CMIP: variants seen among roughly 807,000 people sequenced by gnomAD.
CMIP encodes c-Maf inducing protein.
CMIP carries 13 observed loss-of-function variants against 97.3 expected under a neutral mutation model. That is an observed-to-expected ratio of 0.13 (90% CI 0.09 to 0.21). The LOEUF is 0.21. Ranked by LOEUF, CMIP falls within the 10% of genes least tolerant of loss-of-function variation. The pLI is 1.00. For missense variants in CMIP, 847 were observed against 1,024.9 expected (o/e 0.83, Z 2.37); for synonymous variants, 538 against 436.3 (o/e 1.23, Z -2.91).
At chr16:81,576,001 T>C (rs1271258982) in intron 1 of CMIP, among the ~76,000 whole-genome samples, 1 of 152,220 alleles carries the variant, frequency 6.6e-6, no homozygotes, top group Non-Finnish European at 1.5e-5. Flanking sequence ...AGTCACTAGG[T>C]ATTATCTCAT....
intron 1 of CMIP, among the ~76,000 whole-genome samples, chr16:81,587,534 T>TGACC (rs1489999348): frequency 6.6e-6 from 1 of 152,156 alleles, no homozygotes; most frequent in African/African-American, 2.4e-5. Flanking sequence ...CCCATCACGG[T>TGACC]AAAGCTTTGA....
At chr16:81,546,852 C>G (rs1027917087) in intron 1 of CMIP, among the ~76,000 whole-genome samples, 3 of 152,176 alleles carry the variant, frequency 2.0e-5, no homozygotes, top group Non-Finnish European at 4.4e-5. Flanking sequence ...AGTAAAAATT[C>G]AGCTTGTGAG....
At chr16:81,628,079 G>A (rs561812398) in intron 3 of CMIP, among the ~76,000 whole-genome samples, 2 of 152,104 alleles carry the variant, frequency 1.3e-5, no homozygotes, top group Non-Finnish European at 2.9e-5. Flanking sequence ...TGCCTCCCCT[G>A]ACCCCTCACT....
intron 1 of CMIP, among the ~76,000 whole-genome samples, chr16:81,534,133 C>A (rs903351412): frequency 6.6e-6 from 1 of 152,194 alleles, no homozygotes; most frequent in Non-Finnish European, 1.5e-5. Context: ...AGCCTGTGGC[C>A]AGGCTGCGTT....
chr16:81,619,392 T>A (rs926337073), intron 2 of CMIP: 1 of 152,196 alleles, frequency 6.6e-6, no homozygotes, highest in African/African-American at 2.4e-5. Flanking sequence ...GTAGATGACT[T>A]GGGGAGCGGG....
rs569608911 is a variant in CMIP at position 81,507,089 on chromosome 16, AAAAAAAATAC to A, written c.300+61557_300+61566del. Among the ~76,000 whole-genome samples, 96 of 151,444 alleles carry A rather than the reference AAAAAAAATAC, an allele frequency of 6.3e-4. No homozygotes were observed. In the South Asian group the frequency reaches 8.8e-3, roughly 14 times the overall value. On this transcript the variant is annotated intron_variant, in intron 1 of 20. Transcript: ENST00000537098. ...AACATGGTGAAACCTCATCTGTACTAAAAAAAATACAAAAAAATTAGCTGGGCGTGGTGGC... is the reference window on the plus strand; with the variant it reads ...AACATGGTGAAACCTCATCTGTACTAAAAAAAATTAGCTGGGCGTGGTGGC...
At chr16:81,456,848 G>A (rs1239220961) in intron 1 of CMIP, among the ~76,000 whole-genome samples, 1 of 152,176 alleles carries the variant, frequency 6.6e-6, no homozygotes, top group Non-Finnish European at 1.5e-5. Context: ...CAGAGCAGAA[G>A]GGTCTACCCT....
At chr16:81,476,497 G>A (rs2150752114) in intron 1 of CMIP, 1 of 718,398 alleles carries the variant, frequency 1.4e-6, no homozygotes, top group Non-Finnish European at 2.6e-6. Context: ...AGCGATGTCA[G>A]AGAACACAGT....
chr16:81,604,561 C>T (rs1285681733), intron 1 of CMIP, among the ~76,000 whole-genome samples: 1 of 151,914 alleles, frequency 6.6e-6, no homozygotes, highest in East Asian at 1.9e-4. Flanking sequence ...ATTAGCCAGG[C>T]ATGGTGGCAG....
rs559904552 is a variant in CMIP, at chr16:81,613,473, C to G, written c.426+5781C>G. Among the ~76,000 whole-genome samples the G allele has an allele frequency of 1.3e-4, 20 of 152,190 alleles. No individual in the cohort carries two copies. The South Asian group carries it at 3.7e-3, about 28-fold the overall frequency. ...AGCCATGGAACCCTAGGTTTTACCACATTCTAGCTGTGGAACCCTAAACAG... is the reference window on the plus strand; with the variant it reads ...AGCCATGGAACCCTAGGTTTTACCAGATTCTAGCTGTGGAACCCTAAACAG... On this transcript the variant is annotated intron_variant, in intron 2 of 20. Transcript: ENST00000537098.
In CMIP at chr16:81,621,897, C is replaced by G. The variant is rs1400116878; in HGVS notation, c.477+971C>G. ...ATTACTTTCCTGGTCCCAGAGAGGG[C>G]CACTCCCCTCCTTTCCTCTGTCAGC... is the stretch of plus-strand genomic sequence containing the variant. On this transcript the variant is annotated intron_variant, in intron 3 of 20. Coordinates refer to ENST00000537098, the MANE Select transcript of CMIP (RefSeq NM_198390.3). This position sits in a 1 kb window ranked among gnomAD's most constrained non-coding sequence, Gnocchi z 4.1. 2.0e-5 allele frequency: 3 copies of G among 152,246 alleles called. No homozygotes were observed. Among genetic ancestry groups the G allele is most frequent in the Non-Finnish European group, 4.4e-5 (3 of 68,060 alleles). The allele number at this position is 152,246 out of a possible 1,614,324, so 9.4% of individuals were successfully genotyped here. A position where few individuals can be genotyped will look rare whatever the true frequency, so the allele number is the denominator to read the frequency against.
At chr16:81,634,328 C>A (rs144829743) in intron 3 of CMIP, among the ~76,000 whole-genome samples, 3 of 152,192 alleles carry the variant, frequency 2.0e-5, no homozygotes, top group Non-Finnish European at 4.4e-5. Flanking sequence ...TGTATGAACA[C>A]GAGTCTGACT....
chr16:81,528,241 G>T (rs978748931), intron 1 of CMIP, among the ~76,000 whole-genome samples: 2 of 152,128 alleles, frequency 1.3e-5, no homozygotes, highest in African/African-American at 4.8e-5. Flanking sequence ...TTAAGGAGAT[G>T]GTTGAAATTG....
At chr16:81,644,561 C>T (rs748654300) in intron 3 of CMIP, among the ~76,000 whole-genome samples, 3 of 152,134 alleles carry the variant, frequency 2.0e-5, no homozygotes, top group Non-Finnish European at 4.4e-5. Context: ...TGATGCTCAC[C>T]GGATTGAAGG....
intron 1 of CMIP, among the ~76,000 whole-genome samples, chr16:81,591,490 A>G (rs1260361431): frequency 6.6e-6 from 1 of 152,192 alleles, no homozygotes; most frequent in African/African-American, 2.4e-5. Context: ...CTACTTAGCG[A>G]TTCAAAGACA....
intron 13 of CMIP, among the ~76,000 whole-genome samples, chr16:81,694,489 A>G (rs369714036): frequency 6.6e-6 from 1 of 152,144 alleles, no homozygotes; most frequent in Admixed American, 6.5e-5. Flanking sequence ...GGTGTTTGAG[A>G]AGGAATCTGA....
chr16:81,445,272 G>A lies in CMIP; in HGVS notation c.31G>A (p.Gly11Ser). MDVTSSSGGG[G>S]DPRQIEETKP... is the part of the protein sequence containing the mutation. ...TGTGACCAGCAGCTCGGGCGGCGGC[G>A]GCGACCCCCGGCAGATCGAGGAGAC... is the stretch of plus-strand genomic sequence containing the variant. The change falls in exon 1 of 21, where the codon GGC (glycine) becomes AGC (serine). Residue 11 changes from glycine (G) to serine (S), a missense_variant. Around this residue, in one of 4 missense-constraint regions of CMIP, gnomAD observed 94 missense variants for 79.9 expected, o/e 1.18. Transcript: ENST00000537098. 1 of 1,541,616 alleles carries A rather than the reference G, an allele frequency of 6.5e-7. No individual in the cohort carries two copies. Among genetic ancestry groups the A allele is most frequent in the Non-Finnish European group, 8.7e-7 (1 of 1,146,128 alleles).
At chr16:81,688,627 T>C (rs2151074875) in intron 10 of CMIP, among the ~76,000 whole-genome samples, 1 of 152,354 alleles carries the variant, frequency 6.6e-6, no homozygotes, top group Middle Eastern at 3.4e-3. Context: ...GCTGTTGTTA[T>C]TGTCATTGTT....
intron 14 of CMIP, chr16:81,698,089 C>T (rs1467111217): frequency 1.3e-5 from 2 of 148,208 alleles, no homozygotes; most frequent in African/African-American, 5.0e-5. Flanking sequence ...CATTTGTATG[C>T]CAGAGCTGTT....
Sources: allele counts gnomAD v4.1 joint callset (sites outside exome capture counted in the v4.1 genomes callset), GRCh38; gene constraint gnomAD v4.1.1; regional missense constraint gnomAD v4.1.1; non-coding constraint Gnocchi (gnomAD v3.1); transcripts MANE v1.5; gene names NCBI Gene and HGNC (gene_info 2026-07-23, HGNC 2026-07-21).